Variants in PRPSAP2 observed in about 807,000 individuals in gnomAD.
PRPSAP2 encodes phosphoribosyl pyrophosphate synthetase associated protein 2, also known as phosphoribosyl pyrophosphate synthase-associated protein 2.
A neutral mutation model predicts 40.6 loss-of-function variants in PRPSAP2; 24 were observed. The observed-to-expected ratio is 0.59, with a 90% CI of 0.43 to 0.83. PRPSAP2 has a LOEUF of 0.83. Ranked by LOEUF, PRPSAP2 falls within the 40% of genes least tolerant of loss-of-function variation. PRPSAP2 has a pLI of 0.00. For synonymous variants in PRPSAP2, 149 were observed against 164.7 expected, an observed-to-expected ratio of 0.90 and a Z score of 0.73; for missense variants, 292 against 465.6, an observed-to-expected ratio of 0.63 and a Z score of 3.43.
intron 8 of PRPSAP2, among the ~76,000 whole-genome samples, chr17:18,897,359 T>C (rs965599071): frequency 1.3e-5 from 2 of 152,228 alleles, no homozygotes; most frequent in African/African-American, 4.8e-5. Context: ...AGTTAATTTT[T>C]GCAAAATTTT....
At chr17:18,907,730 G>A (rs1372008751) in intron 8 of PRPSAP2, among the ~76,000 whole-genome samples, 1 of 152,168 alleles carries the variant, frequency 6.6e-6, no homozygotes, top group Non-Finnish European at 1.5e-5. Context: ...AATAACAGAA[G>A]TATCTTTGGA....
At chr17:18,879,385 A>T (rs1217433242) in intron 6 of PRPSAP2, among the ~76,000 whole-genome samples, 1 of 152,164 alleles carries the variant, frequency 6.6e-6, no homozygotes, top group Non-Finnish European at 1.5e-5. Flanking sequence ...CCCGGGTTCA[A>T]GCAATTCTCC....
At chr17:18,875,345 G>A (rs1325854429) in intron 5 of PRPSAP2, among the ~76,000 whole-genome samples, 1 of 151,994 alleles carries the variant, frequency 6.6e-6, no homozygotes, top group East Asian at 1.9e-4. Flanking sequence ...GGGCATATCA[G>A]TTGAGGCCAG....
chr17:18,922,666 T>C (rs1374242885), intron 9 of PRPSAP2, among the ~76,000 whole-genome samples: 1 of 133,108 alleles, frequency 7.5e-6, no homozygotes, highest in African/African-American at 2.8e-5. Context: ...TATATATATA[T>C]AATTTTTTTT....
intron 1 of PRPSAP2, chr17:18,858,585 C>T (rs1406210381): frequency 6.6e-6 from 1 of 152,252 alleles, no homozygotes; most frequent in African/African-American, 2.4e-5. Context: ...GAAAGCAAGC[C>T]CAGACCCAGC....
chr17:18,872,793 T>G, intron 5 of PRPSAP2, 144 bp downstream of exon 5: 2 of 647,716 alleles, frequency 3.1e-6, no homozygotes, highest in African/African-American at 3.7e-5. Context: ...AAACTAAGTT[T>G]TCTGACATAA....
chr17:18,861,238 G>A (rs892837755), intron 1 of PRPSAP2, among the ~76,000 whole-genome samples: 3 of 152,164 alleles, frequency 2.0e-5, no homozygotes, highest in Admixed American at 1.3e-4. Flanking sequence ...GCTGAGGCGG[G>A]TGGATTACCT....
At position 18,911,235 on chromosome 17, in the gene PRPSAP2, C is replaced by T. The variant is rs1180613873; in HGVS notation, c.717C>T (p.Pro239=). The part of the protein sequence containing the change: ...PMVRSVAAIH[P]SLEIPMLIPK... ...TCAGAAGTGTGGCTGCCATCCACCC[C>T]AGCCTGGAGATCCCCAGTAAGTGTG... Residue 239 remains proline, a synonymous_variant, in exon 9 of 12, where the codon CCC becomes CCT. Transcript: ENST00000268835. This position sits in a 1 kb window ranked among gnomAD's most constrained non-coding sequence, Gnocchi z 4.5. 2.5e-6 allele frequency: 4 copies of T among 1,611,628 alleles called. No individual in the cohort carries two copies. The Admixed American group carries it at 6.7e-5, about 27-fold the overall frequency.
chr17:18,878,211 C>T (rs768918442), intron 6 of PRPSAP2, among the ~76,000 whole-genome samples: 12 of 152,166 alleles, frequency 7.9e-5, no homozygotes, highest in Admixed American at 5.9e-4. Flanking sequence ...CCACCATACC[C>T]TGCTGGAGTT....
intron 8 of PRPSAP2, among the ~76,000 whole-genome samples, chr17:18,892,244 T>C (rs1567708204): frequency 6.6e-6 from 1 of 152,196 alleles, no homozygotes; most frequent in Non-Finnish European, 1.5e-5. Context: ...GGACACTTTT[T>C]TTTTTTACCG....
At chr17:18,916,509 G>A (rs1695472090) in intron 9 of PRPSAP2, among the ~76,000 whole-genome samples, 1 of 151,816 alleles carries the variant, frequency 6.6e-6, no homozygotes, top group Non-Finnish European at 1.5e-5. Flanking sequence ...AGCCTCCTGA[G>A]TAGCTGGGAT....
chr17:18,922,317 T>G (rs1206498507), intron 9 of PRPSAP2, among the ~76,000 whole-genome samples: 1 of 152,236 alleles, frequency 6.6e-6, no homozygotes, highest in Non-Finnish European at 1.5e-5. Context: ...TCGGAATTGC[T>G]GCGTCACTTG....
At chr17:18,892,139 GCCAC>G (rs2039583858) in intron 8 of PRPSAP2, among the ~76,000 whole-genome samples, 1 of 152,218 alleles carries the variant, frequency 6.6e-6, no homozygotes, top group Non-Finnish European at 1.5e-5. Flanking sequence ...ACAGGCGTGA[GCCAC>G]CGCACTTGGC....
At chr17:18,912,163 C>A (rs2041000424) in intron 9 of PRPSAP2, among the ~76,000 whole-genome samples, 1 of 149,576 alleles carries the variant, frequency 6.7e-6, no homozygotes, top group Non-Finnish European at 1.5e-5. Flanking sequence ...GCCTGGGCAA[C>A]AAGAGTGAAA....
chr17:18,876,247 T>C (rs1301434283), intron 5 of PRPSAP2, among the ~76,000 whole-genome samples: 1 of 152,208 alleles, frequency 6.6e-6, no homozygotes, highest in Non-Finnish European at 1.5e-5. Context: ...ATTAAGAAAA[T>C]TCCATCCATT....
At chr17:18,926,425 T>C (rs1170293086) in intron 10 of PRPSAP2, among the ~76,000 whole-genome samples, 1 of 151,578 alleles carries the variant, frequency 6.6e-6, no homozygotes, top group East Asian at 2.0e-4. Flanking sequence ...CGCCACCACG[T>C]CCGGCTAATT....
intron 8 of PRPSAP2, among the ~76,000 whole-genome samples, chr17:18,909,229 A>G (rs2040798907): frequency 1.4e-5 from 2 of 147,036 alleles, no homozygotes; most frequent in Non-Finnish European, 1.5e-5. Context: ...CACTTTGGAA[A>G]ACAGTGTGGC....
chr17:18,909,434 C>T (rs984585949), intron 8 of PRPSAP2, among the ~76,000 whole-genome samples: 24 of 151,774 alleles, frequency 1.6e-4, no homozygotes, highest in East Asian at 5.9e-4. Context: ...TTAGTAGAGA[C>T]GGGGTTTCAC....
chr17:18,885,181 A>G (rs1181229405), intron 7 of PRPSAP2, among the ~76,000 whole-genome samples: 3 of 152,116 alleles, frequency 2.0e-5, no homozygotes, highest in Non-Finnish European at 4.4e-5. Context: ...AGGTTGGATC[A>G]GTTGAGTCCA....
Sources: allele counts gnomAD v4.1 joint callset (sites outside exome capture counted in the v4.1 genomes callset), GRCh38; gene constraint gnomAD v4.1.1; non-coding constraint Gnocchi (gnomAD v3.1); transcripts MANE v1.5; gene names NCBI Gene and HGNC (gene_info 2026-07-23, HGNC 2026-07-21).